The following TTC17 variants were observed in gnomAD, a reference collection of about 807,000 sequenced individuals.
The protein encoded by TTC17 is tetratricopeptide repeat domain 17.
A neutral mutation model predicts 143.8 loss-of-function variants in TTC17; 58 were observed. The ratio of observed to expected loss-of-function variants is 0.40; its 90% CI spans 0.33 to 0.50. The LOEUF is 0.50. TTC17 is among the 20% of genes least tolerant of loss of function. TTC17 has a pLI of 0.49. For missense variants in TTC17, 1,273 were observed against 1,392.5 expected (o/e 0.91, Z 1.37); for synonymous variants, 501 against 497.8 (o/e 1.01, Z -0.09).
At chr11:43,407,098 GTTA>G (rs1385539632) in intron 13 of TTC17, 37 bp from the exon 14 acceptor site, 5 of 1,408,248 alleles carry the variant, frequency 3.6e-6, no homozygotes, top group Non-Finnish European at 4.9e-6. Context: ...TGTCTTCCCT[GTTA>G]TTTTCAATTG....
intron 21 of TTC17, among the ~76,000 whole-genome samples, chr11:43,483,879 C>T (rs1222210153): frequency 2.0e-5 from 3 of 152,238 alleles, no homozygotes; most frequent in South Asian, 2.1e-4. Flanking sequence ...CAGTGGCTCA[C>T]GCCTGTAATC....
intron 21 of TTC17, among the ~76,000 whole-genome samples, chr11:43,475,730 G>A (rs548851835): frequency 6.6e-6 from 1 of 152,252 alleles, no homozygotes; most frequent in East Asian, 1.9e-4. Context: ...TTATCACGTT[G>A]GTGCTCAAAA....
At chr11:43,446,874 A>C (rs1825203003) in intron 18 of TTC17, among the ~76,000 whole-genome samples, 1 of 152,248 alleles carries the variant, frequency 6.6e-6, no homozygotes, top group Non-Finnish European at 1.5e-5. Flanking sequence ...CAGAGCTTTA[A>C]ATTTTTTTGT....
intron 15 of TTC17, among the ~76,000 whole-genome samples, chr11:43,409,043 C>T (rs993826637): frequency 6.6e-6 from 1 of 151,986 alleles, no homozygotes; most frequent in African/African-American, 2.4e-5. Flanking sequence ...ACACCCGGCC[C>T]CAAAAATGTT....
At chr11:43,443,147 C>T (rs1396153872) in intron 16 of TTC17, among the ~76,000 whole-genome samples, 178 bp from the exon 17 acceptor site, 1 of 152,190 alleles carries the variant, frequency 6.6e-6, no homozygotes, top group East Asian at 1.9e-4. Context: ...CGCTAGATGA[C>T]AAAGTTGGTA....
intron 16 of TTC17, among the ~76,000 whole-genome samples, chr11:43,442,665 C>G (rs896788535): frequency 6.6e-6 from 1 of 152,166 alleles, no homozygotes; most frequent in Non-Finnish European, 1.5e-5. Context: ...AGGAAACATA[C>G]TGAGTTCTCA....
In TTC17 at chr11:43,401,134, G is replaced by A. The variant is rs554102650; in HGVS notation, c.1220-312G>A. On this transcript the variant is annotated intron_variant, in intron 9 of 23. Transcript: ENST00000039989. ...AAGTATGTAAAGCAAATTCTCTCCA[G>A]AAAGATGGCCAAAGTCTCTTAAAAC... is the stretch of plus-strand genomic sequence containing the variant. Among the ~76,000 whole-genome samples, 23 of 152,226 alleles carry A rather than the reference G, an allele frequency of 1.5e-4. No individual in the cohort carries two copies. In the East Asian group the frequency reaches 4.4e-3, roughly 29 times the overall value.
intron 16 of TTC17, among the ~76,000 whole-genome samples, chr11:43,425,019 G>T (rs150758198): frequency 8.7e-4 from 133 of 152,292 alleles, no homozygotes; most frequent in Non-Finnish European, 1.7e-3. Flanking sequence ...TGTGTGTAGT[G>T]AGTTAGGCAA....
At chr11:43,386,909 C>G (rs1482024991) in intron 2 of TTC17, among the ~76,000 whole-genome samples, 1 of 152,222 alleles carries the variant, frequency 6.6e-6, no homozygotes, top group East Asian at 1.9e-4. Flanking sequence ...ACCTCAGCTT[C>G]TCCAGTAGCT....
intron 21 of TTC17, among the ~76,000 whole-genome samples, chr11:43,465,634 C>T (rs1402761591): frequency 1.3e-5 from 2 of 152,148 alleles, no homozygotes; most frequent in African/African-American, 2.4e-5. Context: ...AATAAACCCT[C>T]ATGTATATAA....
intron 16 of TTC17, among the ~76,000 whole-genome samples, chr11:43,432,857 G>C (rs1184033147): frequency 3.3e-5 from 5 of 152,166 alleles, no homozygotes; most frequent in Non-Finnish European, 7.4e-5. Context: ...AAGTTCTTCT[G>C]AAATACTTCA....
chr11:43,392,542 A>AT (rs1857429228), intron 5 of TTC17, among the ~76,000 whole-genome samples: 1 of 152,262 alleles, frequency 6.6e-6, no homozygotes, highest in African/African-American at 2.4e-5. Flanking sequence ...GTGGTATAAA[A>AT]TAAGATGTAT....
intron 21 of TTC17, among the ~76,000 whole-genome samples, chr11:43,465,171 C>G (rs552222036): frequency 1.3e-5 from 2 of 152,318 alleles, no homozygotes; most frequent in Admixed American, 1.3e-4. Context: ...GTAGCCTTTA[C>G]ACAATGTCAT....
chr11:43,404,598 G>A (rs1190265467), intron 11 of TTC17, among the ~76,000 whole-genome samples: 1 of 152,152 alleles, frequency 6.6e-6, no homozygotes, highest in Admixed American at 6.6e-5. Flanking sequence ...TAGTACATGT[G>A]CCTGTCTAGA....
chr11:43,370,893 A>G (rs536771503), intron 1 of TTC17, among the ~76,000 whole-genome samples: 10 of 152,110 alleles, frequency 6.6e-5, no homozygotes, highest in Non-Finnish European at 1.3e-4. Context: ...TGCAGCCTCA[A>G]ACTCCTCAAG....
intron 23 of TTC17, 26 bp from the exon 24 acceptor site, chr11:43,493,747 C>T: frequency 6.2e-7 from 1 of 1,613,926 alleles, no homozygotes. Flanking sequence ...GCCATCCCCT[C>T]ACATTTCTCT....
intron 21 of TTC17, among the ~76,000 whole-genome samples, chr11:43,481,275 A>G (rs1009839010): frequency 6.6e-6 from 1 of 152,234 alleles, no homozygotes; most frequent in African/African-American, 2.4e-5. Context: ...ATCTGTCAAC[A>G]TAAACACTCT....
chr11:43,383,854 T>C (rs543608487), intron 2 of TTC17, among the ~76,000 whole-genome samples: 1 of 151,316 alleles, frequency 6.6e-6, no homozygotes, highest in Non-Finnish European at 1.5e-5. Flanking sequence ...CAAAAAAAAA[T>C]AGGGGCAAGC....
intron 21 of TTC17, chr11:43,489,735 CA>C (rs531476915): frequency 4.2e-4 from 28 of 66,516 alleles, no homozygotes; most frequent in East Asian, 4.8e-4. Context: ...GACTCTGTCT[CA>C]AAAAAAAAAG....
Sources: gnomAD v4.1 joint callset for allele counts (sites outside exome capture counted in the v4.1 genomes callset) on GRCh38, gnomAD v4.1.1 for gene constraint, MANE v1.5 for transcripts, NCBI Gene and HGNC (gene_info 2026-07-23, HGNC 2026-07-21) for gene names.